Variants in LRMDA observed in about 807,000 individuals in gnomAD.
LRMDA encodes the protein leucine rich melanocyte differentiation associated.
Under a neutral mutation model 29.8 loss-of-function variants are expected in LRMDA, and 18 were observed. The observed-to-expected ratio is 0.60, with a 90% CI of 0.42 to 0.90. LRMDA has a LOEUF of 0.90. Ranked by LOEUF, LRMDA falls within the 40% of genes least tolerant of loss-of-function variation. The probability of loss-of-function intolerance (pLI) is 0.00; values close to 1 mark genes in which losing one functional copy is unlikely to be tolerated. For missense variants in LRMDA, 273 were observed against 273.9 expected (o/e 1.00, Z 0.02); for synonymous variants, 125 against 109.4 (o/e 1.14, Z -0.89).
At chr10:75,491,775 G>A (rs1233218384) in intron 2 of LRMDA, among the ~76,000 whole-genome samples, 1 of 152,154 alleles carries the variant, frequency 6.6e-6, no homozygotes, top group Non-Finnish European at 1.5e-5. Flanking sequence ...CTTCTCCTCT[G>A]TCTTCTCTGA....
chr10:76,217,051 A>G (rs902524578), intron 5 of LRMDA, among the ~76,000 whole-genome samples: 1 of 152,244 alleles, frequency 6.6e-6, no homozygotes, highest in Non-Finnish European at 1.5e-5. Context: ...AGATGCATTT[A>G]AACAATTGCT....
At chr10:76,427,854 G>A (rs897516091) in intron 6 of LRMDA, among the ~76,000 whole-genome samples, 1 of 152,162 alleles carries the variant, frequency 6.6e-6, no homozygotes, top group Middle Eastern at 3.2e-3. Context: ...TGCATCTATT[G>A]AGATAATCAT....
intron 2 of LRMDA, among the ~76,000 whole-genome samples, 156 bp downstream of exon 2, chr10:75,438,650 G>A (rs1844290018): frequency 6.6e-6 from 1 of 152,194 alleles, no homozygotes; most frequent in Admixed American, 6.5e-5. Flanking sequence ...ACACCCCAAA[G>A]GTTTCACTGT....
chr10:75,542,551 AC>A (rs1840030815), intron 2 of LRMDA, among the ~76,000 whole-genome samples: 1 of 152,226 alleles, frequency 6.6e-6, no homozygotes, highest in South Asian at 2.1e-4. Context: ...CAATAAAAAA[AC>A]AAATAGAGAA....
At chr10:76,485,184 C>T (rs1395192159) in intron 6 of LRMDA, among the ~76,000 whole-genome samples, 2 of 151,776 alleles carry the variant, frequency 1.3e-5, no homozygotes, top group Admixed American at 6.6e-5. Context: ...GTAACTTTTC[C>T]ACTTATTGAA....
chr10:76,470,532 G>C (rs1178412676), intron 6 of LRMDA: 1 of 151,862 alleles, frequency 6.6e-6, no homozygotes, highest in Non-Finnish European at 1.5e-5. Context: ...AAAAAATGTT[G>C]GATATACGTA....
chr10:75,525,610 G>C, intron 2 of LRMDA, among the ~76,000 whole-genome samples: 1 of 30,904 alleles, frequency 3.2e-5, no homozygotes. Context: ...TTTTTTTTTT[G>C]TGAGAAAAGG....
At chr10:76,206,739 A>G (rs881631) in intron 5 of LRMDA, among the ~76,000 whole-genome samples, 23,428 of 152,124 alleles carry the variant, frequency 0.15, 2,519 homozygotes, top group East Asian at 0.52. Flanking sequence ...AGATGGGACT[A>G]TCCAGTAACC....
intron 2 of LRMDA, among the ~76,000 whole-genome samples, chr10:75,702,515 C>A (rs1327925395): frequency 6.6e-6 from 1 of 152,118 alleles, no homozygotes; most frequent in African/African-American, 2.4e-5. Context: ...ATCCCCTTTA[C>A]CCTATTCAGT....
At chr10:76,285,992 G>T (rs934462952) in intron 5 of LRMDA, among the ~76,000 whole-genome samples, 1 of 152,118 alleles carries the variant, frequency 6.6e-6, no homozygotes, top group African/African-American at 2.4e-5. Context: ...CTGACCTTGC[G>T]TTGAGGCTAA....
chr10:76,096,943 G>A (rs2132097585), intron 5 of LRMDA, among the ~76,000 whole-genome samples: 1 of 151,890 alleles, frequency 6.6e-6, no homozygotes, highest in Admixed American at 6.6e-5. Context: ...ATTTCTGAGT[G>A]ATTTTGTAAA....
At chr10:76,021,523 C>A (rs1847974014) in intron 2 of LRMDA, among the ~76,000 whole-genome samples, 1 of 152,178 alleles carries the variant, frequency 6.6e-6, no homozygotes, top group South Asian at 2.1e-4. Context: ...CCTGTCCTAA[C>A]CTGAGTTTCC....
chr10:75,783,143 A>T (rs145682013), intron 2 of LRMDA: 2 of 1,236,910 alleles, frequency 1.6e-6, no homozygotes, highest in Non-Finnish European at 2.3e-6. Context: ...ATTGATCTGC[A>T]TAAATCATTT....
chr10:75,950,770 C>T (rs1846560922), intron 2 of LRMDA, among the ~76,000 whole-genome samples: 1 of 152,246 alleles, frequency 6.6e-6, no homozygotes, highest in South Asian at 2.1e-4. Flanking sequence ...TTGCCCTCTG[C>T]ACACAGTGAT....
At chr10:75,880,785 T>C (rs1845280924) in intron 2 of LRMDA, among the ~76,000 whole-genome samples, 1 of 152,222 alleles carries the variant, frequency 6.6e-6, no homozygotes, top group African/African-American at 2.4e-5. Flanking sequence ...ATGTTCTTCC[T>C]GCAAGCCAAG....
rs533266137 is a variant in LRMDA at position 75,663,591 on chromosome 10, C to T, written c.131+225097C>T. On this transcript the variant is annotated intron_variant, in intron 2 of 6. Transcript: ENST00000611255. ...GAAGCCCTGGAGATAAAGGGATGAC[C>T]TGAGCAGGGTGTCTGCCTTTCAGAT... Among the ~76,000 whole-genome samples the T allele has an allele frequency of 3.3e-5, 5 of 152,154 alleles. No individual in the cohort carries two copies. In the South Asian group the frequency reaches 1.0e-3, roughly 32 times the overall value.
At chr10:75,708,966 G>A (rs948623346) in intron 2 of LRMDA, among the ~76,000 whole-genome samples, 1 of 152,168 alleles carries the variant, frequency 6.6e-6, no homozygotes, top group Non-Finnish European at 1.5e-5. Context: ...CATTTGCATA[G>A]GAATAGGAAG....
chr10:76,363,176 AG>A lies in LRMDA; in HGVS notation c.601+38693del, dbSNP rs1249338089. On this transcript the variant is annotated intron_variant, in intron 6 of 6. Coordinates refer to ENST00000611255, the MANE Select transcript of LRMDA (RefSeq NM_001305581.2). ...AAGAAAGAAAGAAAGAAAGAAAGAA[AG>A]GAGGGAGGGAGGGAGGGAGGGAGGG... 7.4e-3 allele frequency among the ~76,000 whole-genome samples: 161 copies of A among 21,778 alleles called. 7 individuals are homozygous for A. Among genetic ancestry groups the A allele is most frequent in the Middle Eastern group, 0.024 (1 of 42 alleles). 14.3% of individuals were successfully genotyped at this position (21,778 alleles called of 152,430 possible). A position where few individuals can be genotyped will look rare whatever the true frequency, so the allele number is the denominator to read the frequency against.
chr10:75,888,225 AAG>A lies in LRMDA; in HGVS notation c.132-147776_132-147775del, dbSNP rs371025207. On this transcript the variant is annotated intron_variant, in intron 2 of 6. Transcript: ENST00000611255. ...GCCTGGCAACAGTACTGAAGAAAAA[AAG>A]AGAGAGTTCTGAGAGCTGCATGTGG... is the stretch of plus-strand genomic sequence containing the variant. Among the ~76,000 whole-genome samples, 709 of 152,324 alleles carry A rather than the reference AAG, an allele frequency of 4.7e-3. 10 individuals are homozygous for A. The highest frequency in any genetic ancestry group is 0.016 in the African/African-American group (679 of 41,568).
Sources: gnomAD v4.1 joint callset for allele counts (sites outside exome capture counted in the v4.1 genomes callset) on GRCh38, gnomAD v4.1.1 for gene constraint, MANE v1.5 for transcripts, NCBI Gene and HGNC (gene_info 2026-07-23, HGNC 2026-07-21) for gene names.